The following KREMEN1 variants were observed in gnomAD, a reference collection of about 807,000 sequenced individuals.
KREMEN1 encodes kremen protein 1.
In KREMEN1, 30 loss-of-function variants were observed where a neutral mutation model predicts 46.5. The observed-to-expected ratio is 0.65, with a 90% confidence interval of 0.48 to 0.88. The LOEUF (loss-of-function observed/expected upper bound fraction) is 0.88. Among genes scored for constraint, KREMEN1 ranks in the 40% least tolerant of loss-of-function variants. The probability of loss-of-function intolerance (pLI) is 0.00; values close to 1 mark genes in which losing one functional copy is unlikely to be tolerated. For missense variants in KREMEN1, 533 were observed against 596.9 expected (o/e 0.89, Z 1.11); for synonymous variants, 214 against 230.6 (o/e 0.93, Z 0.65).
At chr22:29,103,216 A>C (rs2038002007) in intron 3 of KREMEN1, among the ~76,000 whole-genome samples, 1 of 152,216 alleles carries the variant, frequency 6.6e-6, no homozygotes, top group Non-Finnish European at 1.5e-5. Context: ...CATACAGAAA[A>C]AGTCCTGTGA....
chr22:29,107,479 C>G (rs1037893489), intron 3 of KREMEN1, among the ~76,000 whole-genome samples: 1 of 152,058 alleles, frequency 6.6e-6, no homozygotes, highest in Admixed American at 6.6e-5. Context: ...CTCGGCTTCC[C>G]AAAGTGCTGG....
At chr22:29,092,419 TA>T (rs1013241760) in intron 1 of KREMEN1, among the ~76,000 whole-genome samples, 2 of 152,176 alleles carry the variant, frequency 1.3e-5, no homozygotes, top group Admixed American at 6.5e-5. Context: ...TGGCACATGG[TA>T]AAACACTGTG....
intron 1 of KREMEN1, among the ~76,000 whole-genome samples, chr22:29,074,734 G>T (rs909726595): frequency 6.6e-6 from 1 of 152,214 alleles, no homozygotes; most frequent in Non-Finnish European, 1.5e-5. Flanking sequence ...TTTACTCATT[G>T]GCTTGGATTA....
intron 9 of KREMEN1, among the ~76,000 whole-genome samples, chr22:29,163,929 GA>G (rs1036495085): frequency 1.6e-4 from 24 of 146,898 alleles, no homozygotes; most frequent in African/African-American, 5.3e-4. Flanking sequence ...AATAAAAGTT[GA>G]AAAAAAAAAC....
At chr22:29,099,254 C>A (rs1431168156) in intron 3 of KREMEN1, 3 of 277,864 alleles carry the variant, frequency 1.1e-5, no homozygotes, top group Admixed American at 4.9e-5. Flanking sequence ...CGCTCAGAAG[C>A]AGCCTAGGGG....
chr22:29,135,506 G>A (rs2038641967), intron 5 of KREMEN1, among the ~76,000 whole-genome samples: 1 of 152,196 alleles, frequency 6.6e-6, no homozygotes, highest in South Asian at 2.1e-4. Context: ...GAAGTGGGCA[G>A]TATTCCATTC....
In KREMEN1 at chr22:29,120,358, A is replaced by T. The variant is rs113138920; in HGVS notation, c.353-999A>T. Among the ~76,000 whole-genome samples the T allele has an allele frequency of 6.8e-3, 455 of 67,036 alleles. 3 individuals carry two copies. The highest frequency in any genetic ancestry group is 0.026 in the East Asian group (29 of 1,096). 44.0% of individuals were successfully genotyped at this position (67,036 alleles called of 152,430 possible). On this transcript the variant is annotated intron_variant, in intron 3 of 8. Coordinates refer to ENST00000400335, the MANE Select transcript of KREMEN1 (RefSeq NM_001039570.3). ...AACAGGGAGGAGGGAGAGGTGATGAAGGAAATGGAGGAGGGAGAGGTGATA... is the reference window on the plus strand; with the variant it reads ...AACAGGGAGGAGGGAGAGGTGATGATGGAAATGGAGGAGGGAGAGGTGATA...
chr22:29,152,990 G>T (rs1686468629), intron 9 of KREMEN1, among the ~76,000 whole-genome samples: 1 of 152,226 alleles, frequency 6.6e-6, no homozygotes, highest in African/African-American at 2.4e-5. Flanking sequence ...CTAAACAAGG[G>T]ATGGATTATT....
At chr22:29,137,711 C>T in intron 6 of KREMEN1, 37 bp downstream of exon 6, 2 of 1,505,450 alleles carry the variant, frequency 1.3e-6, no homozygotes, top group Non-Finnish European at 9.1e-7. Flanking sequence ...TTCTTCAGGG[C>T]CCACGTGCCT....
In KREMEN1 at chr22:29,156,023, T is replaced by G. The variant is rs1254134789; in HGVS notation, c.1417-11021T>G. On this transcript the variant is annotated intron_variant, in intron 9 of 9. Coordinates refer to the KREMEN1 transcript ENST00000327813. ...AGAACAACATAAGTCTCTCTCACTG[T>G]CACACTGCTCAGTGGAAGCACTGTT... Among the ~76,000 whole-genome samples, 3 of 152,112 alleles carry G rather than the reference T, an allele frequency of 2.0e-5. No individual in the cohort carries two copies. The East Asian group carries it at 5.8e-4, about 29-fold the overall frequency.
At chr22:29,115,329 G>A (rs1569323636) in intron 3 of KREMEN1, among the ~76,000 whole-genome samples, 2 of 152,250 alleles carry the variant, frequency 1.3e-5, no homozygotes, top group South Asian at 4.1e-4. Flanking sequence ...CAAATTGAGT[G>A]CAGTGTATAC....
chr22:29,095,591 C>T (rs574417548), intron 2 of KREMEN1, among the ~76,000 whole-genome samples: 1 of 152,348 alleles, frequency 6.6e-6, no homozygotes, highest in South Asian at 2.1e-4. Context: ...ACTATATACC[C>T]TGTCCCTGGT....
At chr22:29,095,238 C>T (rs1466379368) in intron 2 of KREMEN1, among the ~76,000 whole-genome samples, 3 of 152,196 alleles carry the variant, frequency 2.0e-5, no homozygotes, top group Non-Finnish European at 4.4e-5. Flanking sequence ...TCCTTTTAGT[C>T]GACTAAGGTG....
chr22:29,145,435 G>A lies in KREMEN1; in HGVS notation c.*3323G>A, dbSNP rs1417978369. On this transcript the variant is annotated 3_prime_UTR_variant, in exon 9 of 9. Coordinates refer to ENST00000400335, the MANE Select transcript of KREMEN1 (RefSeq NM_001039570.3). ...TGGGAGGAGGCTGCACTGGGCCTGCGTGCCATCCTCACCCCTGTTCCCCGC... is the reference window on the plus strand; with the variant it reads ...TGGGAGGAGGCTGCACTGGGCCTGCATGCCATCCTCACCCCTGTTCCCCGC... 1.5e-5 allele frequency: 15 copies of A among 984,046 alleles called. No individual in the cohort carries two copies. The highest frequency in any genetic ancestry group is 1.4e-4 in the South Asian group (3 of 21,254). 61.0% of individuals were successfully genotyped at this position (984,046 alleles called of 1,614,324 possible). A position where few individuals can be genotyped will look rare whatever the true frequency, so the allele number is the denominator to read the frequency against.
At chr22:29,087,853 C>T (rs1402453321) in intron 1 of KREMEN1, among the ~76,000 whole-genome samples, 1 of 152,184 alleles carries the variant, frequency 6.6e-6, no homozygotes, top group Non-Finnish European at 1.5e-5. Context: ...GCATGAGCCA[C>T]CACGCCCAGC....
intron 5 of KREMEN1, among the ~76,000 whole-genome samples, chr22:29,127,685 C>G (rs1301200426): frequency 2.0e-5 from 3 of 152,068 alleles, no homozygotes; most frequent in Non-Finnish European, 4.4e-5. Flanking sequence ...GGCATTTCCT[C>G]AAAACGTGAA....
chr22:29,134,692 G>A (rs1247490596), intron 5 of KREMEN1, among the ~76,000 whole-genome samples: 2 of 152,168 alleles, frequency 1.3e-5, no homozygotes, highest in South Asian at 2.1e-4. Context: ...TAGGGACTGA[G>A]CCAGTCTATC....
chr22:29,151,485 T>C (rs192878739), downstream of KREMEN1, among the ~76,000 whole-genome samples: 25 of 152,288 alleles, frequency 1.6e-4, no homozygotes, highest in Non-Finnish European at 3.1e-4. Context: ...ACTGGGACCC[T>C]GGATGACTCC....
intron 1 of KREMEN1, among the ~76,000 whole-genome samples, chr22:29,083,930 G>A (rs2037694977): frequency 6.6e-6 from 1 of 152,164 alleles, no homozygotes; most frequent in South Asian, 2.1e-4. Flanking sequence ...TCCATAGGCA[G>A]AGCAGCCCCG....
Sources: gnomAD v4.1 joint callset for allele counts (sites outside exome capture counted in the v4.1 genomes callset) on GRCh38, gnomAD v4.1.1 for gene constraint, MANE v1.5 for transcripts, NCBI Gene and HGNC (gene_info 2026-07-23, HGNC 2026-07-21) for gene names.